The following ZNF804B variants were observed in gnomAD, a reference collection of about 807,000 sequenced individuals.
The protein encoded by ZNF804B is zinc finger protein 804B, also known as zinc finger 804B.
A neutral mutation model predicts 101.4 loss-of-function variants in ZNF804B; 80 were observed. The observed-to-expected ratio is 0.79, with a 90% CI of 0.66 to 0.95. ZNF804B has a LOEUF of 0.95. Among genes scored for constraint, ZNF804B ranks in the 40% least tolerant of loss-of-function variants. The probability of loss-of-function intolerance (pLI) is 0.00; values close to 1 mark genes in which losing one functional copy is unlikely to be tolerated. For missense variants in ZNF804B, 1,673 were observed against 1,561.9 expected (o/e 1.07, Z -1.20); for synonymous variants, 622 against 558.8 (o/e 1.11, Z -1.59).
chr7:89,093,548 A>G (rs894871292), intron 1 of ZNF804B, among the ~76,000 whole-genome samples: 1 of 152,222 alleles, frequency 6.6e-6, no homozygotes, highest in Non-Finnish European at 1.5e-5. Flanking sequence ...ATTGACCACT[A>G]TGGTGTCAGA....
At chr7:89,147,857 A>G (rs1186948846) in intron 1 of ZNF804B, among the ~76,000 whole-genome samples, 1 of 151,750 alleles carries the variant, frequency 6.6e-6, no homozygotes, top group East Asian at 1.9e-4. Flanking sequence ...GGGACCATCT[A>G]GTTGCAGGAA....
intron 1 of ZNF804B, among the ~76,000 whole-genome samples, chr7:89,199,837 G>A (rs1788604598): frequency 1.3e-5 from 2 of 148,910 alleles, no homozygotes; most frequent in Admixed American, 1.3e-4. Flanking sequence ...CCATATATGT[G>A]TGTGTGTATA....
chr7:89,135,506 T>C (rs901212753), intron 1 of ZNF804B, among the ~76,000 whole-genome samples: 13 of 152,118 alleles, frequency 8.5e-5, no homozygotes, highest in African/African-American at 2.9e-4. Flanking sequence ...AATTGAGTAA[T>C]ATTTGTTTTA....
intron 1 of ZNF804B, chr7:88,794,075 G>T: frequency 3.6e-6 from 3 of 833,848 alleles, no homozygotes; most frequent in Non-Finnish European, 3.7e-6. Flanking sequence ...TGTGTATATT[G>T]CAATGTTCTG....
At chr7:88,776,964 G>A (rs770711895) in intron 1 of ZNF804B, among the ~76,000 whole-genome samples, 6 of 152,074 alleles carry the variant, frequency 3.9e-5, no homozygotes, top group Non-Finnish European at 7.4e-5. Context: ...AGAGTTAGTT[G>A]CTATTACCCA....
At chr7:88,785,768 A>G (rs1268200153) in intron 1 of ZNF804B, among the ~76,000 whole-genome samples, 1 of 152,084 alleles carries the variant, frequency 6.6e-6, no homozygotes, top group Non-Finnish European at 1.5e-5. Flanking sequence ...TAGAATACAT[A>G]CATATATAGA....
intron 1 of ZNF804B, among the ~76,000 whole-genome samples, chr7:88,873,779 T>TGA (rs1791878504): frequency 6.6e-6 from 1 of 152,212 alleles, no homozygotes; most frequent in African/African-American, 2.4e-5. Flanking sequence ...CAGATAGTCA[T>TGA]AGATATGCGG....
chr7:89,078,743 A>G (rs1211734605), intron 1 of ZNF804B, among the ~76,000 whole-genome samples: 2 of 151,700 alleles, frequency 1.3e-5, no homozygotes, highest in East Asian at 3.9e-4. Context: ...CTCCTCTGTA[A>G]GGGATTAAAA....
rs372755713 is a variant in ZNF804B, at chr7:89,142,087, G to C, written c.109-76068G>C. Reference sequence around the variant, plus strand: ...CAAGTGCCTTTAAAGATTTTTTTAAGATTAAGAAACAAAGCAGTAGCCAGA... The same window carrying C: ...CAAGTGCCTTTAAAGATTTTTTTAACATTAAGAAACAAAGCAGTAGCCAGA... On this transcript the variant is annotated intron_variant, in intron 1 of 3. Coordinates refer to ENST00000333190, the MANE Select transcript of ZNF804B (RefSeq NM_181646.5). 3.8e-4 allele frequency among the ~76,000 whole-genome samples: 57 copies of C among 151,410 alleles called. 2 individuals carry two copies. The South Asian group carries it at 0.012, about 31-fold the overall frequency.
At chr7:89,216,846 T>G (rs1043544814) in intron 1 of ZNF804B, among the ~76,000 whole-genome samples, 17 of 152,224 alleles carry the variant, frequency 1.1e-4, no homozygotes, top group African/African-American at 4.1e-4. Flanking sequence ...GGTAGTCGTT[T>G]TGGAGAAACA....
At chr7:88,951,459 C>T (rs868218873) in intron 1 of ZNF804B, among the ~76,000 whole-genome samples, 34 of 151,892 alleles carry the variant, frequency 2.2e-4, no homozygotes, top group African/African-American at 5.8e-4. Context: ...CACACACATG[C>T]GCGTGCGCAC....
At chr7:89,273,103 T>C (rs1180193328) in intron 2 of ZNF804B, among the ~76,000 whole-genome samples, 1 of 152,150 alleles carries the variant, frequency 6.6e-6, no homozygotes, top group East Asian at 1.9e-4. Context: ...AATCAATTTT[T>C]ATAACAAACC....
chr7:88,937,463 A>T (rs1189625644), intron 1 of ZNF804B, among the ~76,000 whole-genome samples: 1 of 152,096 alleles, frequency 6.6e-6, no homozygotes, highest in Admixed American at 6.6e-5. Context: ...GATTTGAGTC[A>T]GTGTGAGGGA....
At chr7:89,199,433 CA>C (rs1407454164) in intron 1 of ZNF804B, among the ~76,000 whole-genome samples, 1 of 151,798 alleles carries the variant, frequency 6.6e-6, no homozygotes, top group Non-Finnish European at 1.5e-5. Context: ...CAAAATAACC[CA>C]AAACAAAACT....
chr7:88,963,287 C>T (rs1433289633), intron 1 of ZNF804B, among the ~76,000 whole-genome samples: 1 of 151,252 alleles, frequency 6.6e-6, no homozygotes, highest in African/African-American at 2.4e-5. Context: ...GTACAGTAAT[C>T]CAAACAGTGT....
chr7:89,087,079 A>C (rs1415130593), intron 1 of ZNF804B, among the ~76,000 whole-genome samples: 1 of 151,478 alleles, frequency 6.6e-6, no homozygotes, highest in East Asian at 1.9e-4. Flanking sequence ...AAAGAAAGGA[A>C]GCACAATTTT....
chr7:88,873,585 G>C (rs1185848431), intron 1 of ZNF804B, among the ~76,000 whole-genome samples: 1 of 152,070 alleles, frequency 6.6e-6, no homozygotes, highest in African/African-American at 2.4e-5. Context: ...TTTTCTTCTA[G>C]GGTTTTTATG....
chr7:88,817,827 C>T (rs71572430), intron 1 of ZNF804B, among the ~76,000 whole-genome samples: 1 of 152,164 alleles, frequency 6.6e-6, no homozygotes, highest in Non-Finnish European at 1.5e-5. Flanking sequence ...ATTTCCCCCC[C>T]TGAACTGAAC....
intron 2 of ZNF804B, among the ~76,000 whole-genome samples, chr7:89,274,704 A>G (rs1318523481): frequency 6.6e-6 from 1 of 151,804 alleles, no homozygotes; most frequent in African/African-American, 2.4e-5. Context: ...AATATTATGA[A>G]AAAGTTTGTG....
Sources: allele counts gnomAD v4.1 joint callset (sites outside exome capture counted in the v4.1 genomes callset), GRCh38; gene constraint gnomAD v4.1.1; transcripts MANE v1.5; gene names NCBI Gene and HGNC (gene_info 2026-07-23, HGNC 2026-07-21).